CTTN: variants seen among roughly 807,000 people sequenced by gnomAD.
CTTN encodes src substrate cortactin.
Under a neutral mutation model 84.0 loss-of-function variants are expected in CTTN, and 28 were observed. The ratio of observed to expected loss-of-function variants is 0.33; its 90% CI spans 0.25 to 0.46. The LOEUF (loss-of-function observed/expected upper bound fraction) is 0.46, where lower values mean the gene tolerates loss of function less well. Ranked by LOEUF, CTTN falls within the 20% of genes least tolerant of loss-of-function variation. CTTN has a pLI of 1.00. For missense variants in CTTN, 641 were observed against 723.8 expected, an observed-to-expected ratio of 0.89 and a Z score of 1.31; for synonymous variants, 301 against 288.8, an observed-to-expected ratio of 1.04 and a Z score of -0.43.
chr11:70,436,486 T>C lies in CTTN; in HGVS notation c.*1324T>C, dbSNP rs2058418658. 2 of 1,224,504 alleles carry C rather than the reference T, an allele frequency of 1.6e-6. No homozygotes were observed. Among genetic ancestry groups the C allele is most frequent in the South Asian group, 2.6e-5 (2 of 76,716 alleles). 75.9% of individuals were successfully genotyped at this position (1,224,504 alleles called of 1,614,324 possible). A position where few individuals can be genotyped will look rare whatever the true frequency, so the allele number is the denominator to read the frequency against. On this transcript the variant is annotated 3_prime_UTR_variant, in exon 18 of 18. Transcript: ENST00000301843. ...ATGAGCAATGAGGTCGGGTTTTATA[T>C]GCAACTTATTGTATCTGAATTCCTG...
intron 5 of CTTN, among the ~76,000 whole-genome samples, chr11:70,410,895 C>T (rs866689600): frequency 6.6e-6 from 1 of 152,118 alleles, no homozygotes; most frequent in East Asian, 1.9e-4. Context: ...ATGATGTTGC[C>T]GTGTCACAGT....
At chr11:70,407,847 A>AT (rs2058060436) in intron 4 of CTTN, 1 of 464,188 alleles carries the variant, frequency 2.2e-6, no homozygotes, top group Non-Finnish European at 3.8e-6. Flanking sequence ...CAATTTCCGT[A>AT]TTTATAATTT....
At position 70,436,527 on chromosome 11, in the gene CTTN, G is replaced by A. The variant is rs2058419158; in HGVS notation, c.*1365G>A. 1 of 823,916 alleles carries A rather than the reference G, an allele frequency of 1.2e-6. No individual in the cohort carries two copies. Among genetic ancestry groups the A allele is most frequent in the Non-Finnish European group, 1.9e-6 (1 of 524,028 alleles). 51.0% of individuals were successfully genotyped at this position (823,916 alleles called of 1,614,324 possible). A position where few individuals can be genotyped will look rare whatever the true frequency, so the allele number is the denominator to read the frequency against. ...TGAATTCCTGTAGCACACCTCATAG[G>A]TATGATTTTTTTAAATTAAAGAATT... On this transcript the variant is annotated 3_prime_UTR_variant, in exon 18 of 18. Coordinates refer to ENST00000301843, the MANE Select transcript of CTTN (RefSeq NM_005231.4).
At position 70,431,410 on chromosome 11, in the gene CTTN, C is replaced by G; in HGVS notation, c.1266+130C>G. On this transcript the variant is annotated intron_variant, in intron 15 of 17. Transcript: ENST00000301843. ...GTGTAGAGGGCATCGCTGCATTCCA[C>G]GCCCGGAGAGGGGTGGGCCAGGAGC... The G allele has an allele frequency of 6.2e-6, 6 of 964,102 alleles. No homozygotes were observed. In the South Asian group the frequency reaches 8.4e-5, roughly 14 times the overall value. The allele number at this position is 964,102 out of a possible 1,614,324, so 59.7% of individuals were successfully genotyped here.
chr11:70,414,870 G>A (rs1189301373), intron 6 of CTTN, among the ~76,000 whole-genome samples: 8 of 152,168 alleles, frequency 5.3e-5, no homozygotes, highest in African/African-American at 9.7e-5. Flanking sequence ...CCCTGCGGTC[G>A]CTCTTCACTA....
rs1000508855 is a variant in CTTN at position 70,428,971 on chromosome 11, C to T, written c.1028-80C>T. 8 of 1,553,074 alleles carry T rather than the reference C, an allele frequency of 5.2e-6. No individual in the cohort carries two copies. In the African/African-American group the frequency reaches 9.5e-5, roughly 18 times the overall value. The stretch of plus-strand genomic sequence containing the variant: ...GGATGACCGGTTCCTGGGGAGGTCA[C>T]TCTGTGTGGGTGGGGCTGTTGTCCA... On this transcript the variant is annotated intron_variant, in intron 13 of 17. Transcript: ENST00000301843.
intron 4 of CTTN, chr11:70,407,800 C>T (rs1407186236): frequency 5.9e-6 from 3 of 512,810 alleles, no homozygotes; most frequent in Non-Finnish European, 1.0e-5. Flanking sequence ...TATTTAGATA[C>T]TTCTGTGCTC....
intron 13 of CTTN, among the ~76,000 whole-genome samples, chr11:70,426,224 G>A (rs1264747435): frequency 1.3e-5 from 2 of 152,116 alleles, no homozygotes; most frequent in African/African-American, 4.8e-5. Flanking sequence ...TGGCTAACAC[G>A]ATGAAACCCC....
chr11:70,430,365 G>C (rs541208982), intron 14 of CTTN, among the ~76,000 whole-genome samples: 19 of 152,360 alleles, frequency 1.2e-4, no homozygotes, highest in African/African-American at 4.6e-4. Context: ...CACACAGCTA[G>C]TGTCTTATAG....
At position 70,425,313 on chromosome 11, in the gene CTTN, C is replaced by A; in HGVS notation, c.958-19C>A. The A allele has an allele frequency of 1.2e-6, 2 of 1,605,786 alleles. No homozygotes were observed. The highest frequency in any genetic ancestry group is 1.7e-6 in the Non-Finnish European group (2 of 1,175,230). ...AAAGAGAAAAGTGCTCTCCTGACGC[C>A]CATGTCCTGTCTCTGCAGAATGCGT... is the stretch of plus-strand genomic sequence containing the variant. On this transcript the variant is annotated intron_variant, in intron 12 of 17. Transcript: ENST00000301843.
chr11:70,407,933 G>T, intron 4 of CTTN: 1 of 246,304 alleles, frequency 4.1e-6, no homozygotes, highest in Non-Finnish European at 7.9e-6. Context: ...CAAGCGAGAG[G>T]TTTCTAAAGT....
chr11:70,418,927 C>T (rs1294519221), intron 8 of CTTN, among the ~76,000 whole-genome samples: 3 of 151,670 alleles, frequency 2.0e-5, no homozygotes, highest in South Asian at 2.1e-4. Context: ...CAGGCATGCA[C>T]CACCAAGCCC....
At chr11:70,414,392 G>T in intron 5 of CTTN, 150 bp from the exon 6 acceptor site, 2 of 535,606 alleles carry the variant, frequency 3.7e-6, no homozygotes, top group Non-Finnish European at 6.6e-6. Context: ...CAGGAGTCGT[G>T]TCGCCTTCCT....
At chr11:70,432,873 C>T (rs181359495) in intron 15 of CTTN, among the ~76,000 whole-genome samples, 2 of 152,108 alleles carry the variant, frequency 1.3e-5, no homozygotes, top group African/African-American at 2.4e-5. Context: ...ACTGGAGTGT[C>T]GGTGGTGAGG....
chr11:70,415,793 TC>T, intron 7 of CTTN, 76 bp downstream of exon 7: 6 of 1,453,440 alleles, frequency 4.1e-6, no homozygotes, highest in Non-Finnish European at 5.8e-6. Context: ...TGAAGCCGTT[TC>T]CCCGCGCTCC....
At chr11:70,433,858 G>T in intron 17 of CTTN, 140 bp downstream of exon 17, 1 of 669,598 alleles carries the variant, frequency 1.5e-6, no homozygotes, top group East Asian at 2.8e-5. Context: ...ATATAGAAAA[G>T]TTGCAGGTAT....
chr11:70,400,433 G>T (rs902215494), intron 1 of CTTN, among the ~76,000 whole-genome samples: 2 of 152,008 alleles, frequency 1.3e-5, no homozygotes, highest in African/African-American at 2.4e-5. Flanking sequence ...CTGTACTCCA[G>T]CCTGGGTGAC....
chr11:70,415,512 C>G, intron 6 of CTTN, 151 bp from the exon 7 acceptor site: 1 of 758,504 alleles, frequency 1.3e-6, no homozygotes, highest in Non-Finnish European at 2.3e-6. Context: ...TCTTGCGTCA[C>G]TGCCACCTGC....
At chr11:70,428,411 A>G (rs925355125) in intron 13 of CTTN, among the ~76,000 whole-genome samples, 1 of 151,728 alleles carries the variant, frequency 6.6e-6, no homozygotes, top group Non-Finnish European at 1.5e-5. Flanking sequence ...TGATCCGCCC[A>G]CCTTAGCCTC....
Sources: allele counts gnomAD v4.1 joint callset (sites outside exome capture counted in the v4.1 genomes callset), GRCh38; gene constraint gnomAD v4.1.1; transcripts MANE v1.5; gene names NCBI Gene and HGNC (gene_info 2026-07-23, HGNC 2026-07-21).